CACNA1C: variants seen among roughly 807,000 people sequenced by gnomAD.
CACNA1C encodes calcium voltage-gated channel subunit alpha1 C, also known as voltage-dependent L-type calcium channel subunit alpha-1C.
CACNA1C carries 30 observed loss-of-function variants against 229.0 expected under a neutral mutation model. The ratio of observed to expected loss-of-function variants is 0.13; its 90% CI spans 0.10 to 0.18. CACNA1C has a LOEUF of 0.18. CACNA1C is among the 10% of genes least tolerant of loss of function. CACNA1C has a pLI of 1.00. For missense variants in CACNA1C, 1,658 were observed against 2,845.0 expected, an observed-to-expected ratio of 0.58 and a Z score of 9.49; for synonymous variants, 1,114 against 1,132.5, an observed-to-expected ratio of 0.98 and a Z score of 0.33.
rs905119558 is a variant in CACNA1C, at chr12:2,020,708, T to C, written c.139+49507T>C. Among the ~76,000 whole-genome samples the C allele has an allele frequency of 5.3e-5, 8 of 152,138 alleles. No individual in the cohort carries two copies. In the South Asian group the frequency reaches 6.2e-4, roughly 12 times the overall value. ...ATGGGAGGAATAAAATTAGACATCA[T>C]AGCTACAGAATAGAAGCACTGAAAT... On this transcript the variant is annotated intron_variant, in intron 1 of 46. Transcript: ENST00000682462.
At chr12:2,619,562 G>A (rs987337050) in intron 29 of CACNA1C, among the ~76,000 whole-genome samples, 1 of 152,112 alleles carries the variant, frequency 6.6e-6, no homozygotes, top group Non-Finnish European at 1.5e-5. Flanking sequence ...AAGTTGGGTT[G>A]TGCAAGCATC....
intron 1 of CACNA1C, among the ~76,000 whole-genome samples, chr12:1,984,871 G>A (rs1329898567): frequency 7.2e-6 from 1 of 139,018 alleles, no homozygotes; most frequent in Non-Finnish European, 1.5e-5. Flanking sequence ...TGATATTTTT[G>A]CTGGAAATAG....
chr12:2,279,227 A>G (rs2090139241), intron 3 of CACNA1C, among the ~76,000 whole-genome samples: 1 of 152,100 alleles, frequency 6.6e-6, no homozygotes, highest in Admixed American at 6.5e-5. Flanking sequence ...GTCATTTTCC[A>G]TATATGTGTT....
chr12:2,229,784 G>A (rs180996519), intron 3 of CACNA1C, among the ~76,000 whole-genome samples: 414 of 152,334 alleles, frequency 2.7e-3, no homozygotes, highest in African/African-American at 9.3e-3. Context: ...AAGGGCGAGG[G>A]AGCGGCATGA....
chr12:2,555,850 C>T (rs1337716384), intron 10 of CACNA1C, among the ~76,000 whole-genome samples: 1 of 152,192 alleles, frequency 6.6e-6, no homozygotes, highest in Non-Finnish European at 1.5e-5. Context: ...TTTTCTTGCT[C>T]TGCGACACAG....
chr12:1,998,075 A>G (rs111804569), intron 1 of CACNA1C: 2 of 987,614 alleles, frequency 2.0e-6, no homozygotes, highest in African/African-American at 3.4e-5. Context: ...TATAACTTCA[A>G]TGGGCCAAAT....
chr12:2,257,852 CCACTT>C (rs1478718084), intron 3 of CACNA1C, among the ~76,000 whole-genome samples: 1 of 152,240 alleles, frequency 6.6e-6, no homozygotes, highest in Admixed American at 6.5e-5. Flanking sequence ...CCTGTTGCCT[CCACTT>C]CACTTGGTCT....
intron 1 of CACNA1C, among the ~76,000 whole-genome samples, chr12:2,113,202 G>A (rs956150164): frequency 1.3e-5 from 2 of 152,206 alleles, no homozygotes; most frequent in African/African-American, 4.8e-5. Flanking sequence ...TGAGGAATCT[G>A]GTGAGGTTGC....
chr12:1,998,363 G>A (rs773824090), intron 1 of CACNA1C, among the ~76,000 whole-genome samples: 29 of 152,146 alleles, frequency 1.9e-4, no homozygotes, highest in Non-Finnish European at 4.0e-4. Context: ...CATCACTGGT[G>A]TCTGCATTTC....
At chr12:2,189,048 A>G (rs1473453250) in intron 3 of CACNA1C, among the ~76,000 whole-genome samples, 3 of 146,664 alleles carry the variant, frequency 2.0e-5, no homozygotes, top group South Asian at 2.2e-4. Context: ...AGCTGAGATC[A>G]CACCACTACA....
intron 1 of CACNA1C, among the ~76,000 whole-genome samples, chr12:2,041,432 G>T (rs894485583): frequency 1.3e-5 from 2 of 151,758 alleles, no homozygotes; most frequent in African/African-American, 2.4e-5. Context: ...GCTTGCCACC[G>T]CGTCCGGCTA....
intron 1 of CACNA1C, among the ~76,000 whole-genome samples, chr12:2,013,681 A>G (rs1358156024): frequency 6.6e-6 from 1 of 152,176 alleles, no homozygotes; most frequent in Non-Finnish European, 1.5e-5. Flanking sequence ...GGCAGAGGGC[A>G]GTGGTACCAG....
chr12:2,263,223 T>C (rs529707904), intron 3 of CACNA1C, among the ~76,000 whole-genome samples: 1 of 143,550 alleles, frequency 7.0e-6, no homozygotes, highest in African/African-American at 2.6e-5. Context: ...CAGGTGGGAG[T>C]ATGCCCAGCG....
intron 1 of CACNA1C, among the ~76,000 whole-genome samples, chr12:2,072,094 A>G (rs1483622655): frequency 1.3e-5 from 2 of 152,142 alleles, no homozygotes; most frequent in Non-Finnish European, 2.9e-5. Context: ...GGCTTGTTAA[A>G]TAATTCTCTC....
chr12:2,339,904 T>C (rs535413686), intron 3 of CACNA1C, among the ~76,000 whole-genome samples: 1 of 152,358 alleles, frequency 6.6e-6, no homozygotes, highest in African/African-American at 2.4e-5. Context: ...ACTACTCTCT[T>C]TTATGTGTAT....
intron 3 of CACNA1C, among the ~76,000 whole-genome samples, chr12:2,447,851 G>A (rs1470928378): frequency 2.6e-5 from 4 of 152,246 alleles, no homozygotes; most frequent in Non-Finnish European, 5.9e-5. Flanking sequence ...GCAGAGGAGG[G>A]GAAAATGGGT....
rs560627180 is a variant in CACNA1C at position 2,514,122 on chromosome 12, T to C, written c.1390+1138T>C. Among the ~76,000 whole-genome samples the C allele has an allele frequency of 7.2e-5, 11 of 152,298 alleles. No homozygotes were observed. In the East Asian group the frequency reaches 1.5e-3, roughly 21 times the overall value. ...AGGTTAAAGAGCCATCCAGGGCATT[T>C]GCTGCGTGGAGTCATGCTGGTAAAG... On this transcript the variant is annotated intron_variant, in intron 9 of 46. Coordinates refer to ENST00000399655, the MANE Select transcript of CACNA1C (RefSeq NM_000719.7).
intron 3 of CACNA1C, among the ~76,000 whole-genome samples, chr12:2,255,397 C>T (rs925435042): frequency 6.6e-5 from 10 of 152,290 alleles, no homozygotes; most frequent in Admixed American, 5.9e-4. Flanking sequence ...GCCCTCTCTC[C>T]TAGATCCAGG....
At chr12:2,341,466 C>T (rs2096860181) in intron 3 of CACNA1C, among the ~76,000 whole-genome samples, 2 of 150,926 alleles carry the variant, frequency 1.3e-5, no homozygotes, top group South Asian at 4.2e-4. Context: ...AGTTCAGAGT[C>T]GCTGTGGAAT....
Sources: allele counts gnomAD v4.1 joint callset (sites outside exome capture counted in the v4.1 genomes callset), GRCh38; gene constraint gnomAD v4.1.1; transcripts MANE v1.5; gene names NCBI Gene and HGNC (gene_info 2026-07-23, HGNC 2026-07-21).